The following MLANA variants were observed in gnomAD, a reference collection of about 807,000 sequenced individuals.
The protein encoded by MLANA is melanoma antigen recognized by T-cells 1.
In MLANA, 21 loss-of-function variants were observed where a neutral mutation model predicts 15.7. That is an observed-to-expected ratio of 1.33 (90% CI 0.95 to 1.92). MLANA has a LOEUF of 1.92. MLANA is among the 40% of genes most tolerant of loss of function. The pLI, the probability that MLANA is intolerant of heterozygous loss-of-function variation, is 0.00. For missense variants in MLANA, 164 were observed against 143.8 expected, an observed-to-expected ratio of 1.14 and a Z score of -0.72; for synonymous variants, 56 against 51.5, an observed-to-expected ratio of 1.09 and a Z score of -0.37.
intron 4 of MLANA, among the ~76,000 whole-genome samples, chr9:5,907,482 T>C (rs2130000582): frequency 6.6e-6 from 1 of 152,304 alleles, no homozygotes; most frequent in South Asian, 2.1e-4. Flanking sequence ...TAAGATGTAT[T>C]ATAATACATA....
At chr9:5,895,597 T>C (rs906715614) in intron 2 of MLANA, among the ~76,000 whole-genome samples, 12 of 152,162 alleles carry the variant, frequency 7.9e-5, no homozygotes, top group Non-Finnish European at 1.5e-4. Flanking sequence ...CTTTGAAACC[T>C]CAGTGGAGAG....
chr9:5,895,989 T>C (rs1244764332), intron 2 of MLANA, among the ~76,000 whole-genome samples: 1 of 152,202 alleles, frequency 6.6e-6, no homozygotes, highest in Non-Finnish European at 1.5e-5. Flanking sequence ...ATCAGCTGCC[T>C]TCAGTCACGA....
intron 1 of MLANA, chr9:5,891,247 G>A (rs1237080040): frequency 6.6e-6 from 1 of 152,260 alleles, no homozygotes; most frequent in Non-Finnish European, 1.5e-5. Flanking sequence ...CCTGGTCTGA[G>A]TAGTAAGAGG....
At chr9:5,891,739 G>T (rs1831669278) in intron 1 of MLANA, among the ~76,000 whole-genome samples, 1 of 152,226 alleles carries the variant, frequency 6.6e-6, no homozygotes, top group African/African-American at 2.4e-5. Context: ...CTAGCCAAGG[G>T]ACTTGAACCA....
At chr9:5,906,750 G>A (rs1832841430) in intron 3 of MLANA, 135 bp from the exon 4 acceptor site, 2 of 551,284 alleles carry the variant, frequency 3.6e-6, no homozygotes. Context: ...AAAGTGATGA[G>A]ACTGAAGGCA....
chr9:5,895,503 G>C (rs543869855), intron 2 of MLANA, among the ~76,000 whole-genome samples: 2 of 152,090 alleles, frequency 1.3e-5, no homozygotes, highest in Admixed American at 6.5e-5. Flanking sequence ...TGTGCCAGCA[G>C]GTGGAATGAA....
At chr9:5,901,522 T>C (rs1832424847) in intron 3 of MLANA, among the ~76,000 whole-genome samples, 1 of 151,972 alleles carries the variant, frequency 6.6e-6, no homozygotes, top group Non-Finnish European at 1.5e-5. Flanking sequence ...TTCATTTCTC[T>C]TTTTCTTTTT....
At chr9:5,903,784 TCTC>T (rs1330206423) in intron 3 of MLANA, among the ~76,000 whole-genome samples, 5 of 152,216 alleles carry the variant, frequency 3.3e-5, no homozygotes, top group African/African-American at 1.2e-4. Context: ...TTCCTTGAAA[TCTC>T]CTTCTGAAAC....
chr9:5,904,248 G>A (rs971665614), intron 3 of MLANA, among the ~76,000 whole-genome samples: 1 of 152,194 alleles, frequency 6.6e-6, no homozygotes, highest in African/African-American at 2.4e-5. Context: ...CTTGTTTGTT[G>A]ATCCACTCTG....
At chr9:5,898,612 T>C (rs1361121983) in intron 3 of MLANA, among the ~76,000 whole-genome samples, 1 of 152,154 alleles carries the variant, frequency 6.6e-6, no homozygotes, top group African/African-American at 2.4e-5. Context: ...TGACGGTTTA[T>C]AGGGCACAGG....
chr9:5,893,667 A>T (rs1831810173), intron 2 of MLANA, among the ~76,000 whole-genome samples: 4 of 152,040 alleles, frequency 2.6e-5, no homozygotes, highest in Admixed American at 2.6e-4. Flanking sequence ...GTGTATAATC[A>T]CTCAACAGAC....
At position 5,907,187 on chromosome 9, in the gene MLANA, T is replaced by TA. The variant is rs575272930; in HGVS notation, c.288+195dup. 2.0e-3 allele frequency: 739 copies of TA among 364,844 alleles called. 5 individuals are homozygous for TA. Among genetic ancestry groups the TA allele is most frequent in the African/African-American group, 0.015 (693 of 47,714 alleles). 22.6% of individuals were successfully genotyped at this position (364,844 alleles called of 1,614,324 possible). A position where few individuals can be genotyped will look rare whatever the true frequency, so the allele number is the denominator to read the frequency against. On this transcript the variant is annotated intron_variant, in intron 4 of 4. Transcript: ENST00000381477. ...TATGAGAATAAAAAATAAATAATAA[T>TA]AAAAAACAAGGGAAGTACAGATATT...
chr9:5,891,901 G>C (rs4742132), intron 1 of MLANA, among the ~76,000 whole-genome samples: 4 of 152,228 alleles, frequency 2.6e-5, no homozygotes, highest in Admixed American at 2.6e-4. Context: ...AGCTGGGCTG[G>C]AAGATGTTGT....
intron 3 of MLANA, among the ~76,000 whole-genome samples, chr9:5,902,273 T>C (rs562507129): frequency 6.6e-6 from 1 of 152,294 alleles, no homozygotes; most frequent in African/African-American, 2.4e-5. Context: ...TCACCTAGGT[T>C]TTCAAATTTG....
chr9:5,898,494 A>G (rs1342853), intron 3 of MLANA, among the ~76,000 whole-genome samples: 136,731 of 152,188 alleles, frequency 0.9, 61,792 homozygotes, highest in Non-Finnish European at 0.95. Context: ...TTGGGGATTA[A>G]GTTTCCAATA....
rs1167623771 is a variant in MLANA at position 5,908,734 on chromosome 9, C to G, written c.*26C>G. ...GAGCCAGCGAGACACCTGAGACATG[C>G]TGAAATTATTTCTCTCACACTTTTG... On this transcript the variant is annotated 3_prime_UTR_variant, in exon 5 of 5. Coordinates refer to ENST00000381477, the MANE Select transcript of MLANA (RefSeq NM_005511.2). The G allele has an allele frequency of 6.3e-7, 1 of 1,592,736 alleles. No homozygotes were observed. Among genetic ancestry groups the G allele is most frequent in the Non-Finnish European group, 8.6e-7 (1 of 1,160,866 alleles).
chr9:5,903,105 T>C (rs919566702), intron 3 of MLANA, among the ~76,000 whole-genome samples: 2 of 143,884 alleles, frequency 1.4e-5, no homozygotes, highest in Non-Finnish European at 3.2e-5. Flanking sequence ...AGAAGTGTGT[T>C]GTTTAATCTC....
intron 4 of MLANA, among the ~76,000 whole-genome samples, chr9:5,907,710 C>A (rs987379708): frequency 6.6e-6 from 1 of 152,144 alleles, no homozygotes; most frequent in Non-Finnish European, 1.5e-5. Context: ...CCCAGCACTT[C>A]GGGAGGCCGA....
At chr9:5,901,157 G>A (rs988205788) in intron 3 of MLANA, among the ~76,000 whole-genome samples, 4 of 151,978 alleles carry the variant, frequency 2.6e-5, no homozygotes, top group Non-Finnish European at 4.4e-5. Flanking sequence ...AGAAAAAAAT[G>A]GTAATTGACA....
Sources: allele counts gnomAD v4.1 joint callset (sites outside exome capture counted in the v4.1 genomes callset), GRCh38; gene constraint gnomAD v4.1.1; transcripts MANE v1.5; gene names NCBI Gene and HGNC (gene_info 2026-07-23, HGNC 2026-07-21).